The following CSMD1 variants were observed in gnomAD, a reference collection of about 807,000 sequenced individuals.
CSMD1 encodes CUB and Sushi multiple domains 1, also known as CUB and sushi domain-containing protein 1.
CSMD1 carries 213 observed loss-of-function variants against 417.5 expected under a neutral mutation model. The observed-to-expected ratio is 0.51, with a 90% CI of 0.46 to 0.57. The LOEUF (loss-of-function observed/expected upper bound fraction) is 0.57. Ranked by LOEUF, CSMD1 falls within the 20% of genes least tolerant of loss-of-function variation. CSMD1 has a pLI of 0.00. For missense variants in CSMD1, 6,923 were observed against 4,529.7 expected (o/e 1.53, Z -15.17); for synonymous variants, 2,862 against 1,736.8 (o/e 1.65, Z -16.11).
At chr8:3,579,443 T>G (rs1412682273) in intron 9 of CSMD1, among the ~76,000 whole-genome samples, 1 of 152,368 alleles carries the variant, frequency 6.6e-6, no homozygotes, top group East Asian at 1.9e-4. Flanking sequence ...AGAAACATTC[T>G]AATTGATTAA....
chr8:3,340,067 G>A (rs1167877779), intron 23 of CSMD1, among the ~76,000 whole-genome samples: 2 of 152,160 alleles, frequency 1.3e-5, no homozygotes, highest in Non-Finnish European at 2.9e-5. Flanking sequence ...CAATTCCTCT[G>A]CATGTATCAA....
chr8:4,737,944 A>G (rs1283119276), intron 1 of CSMD1, among the ~76,000 whole-genome samples: 2 of 152,316 alleles, frequency 1.3e-5, no homozygotes, highest in South Asian at 2.1e-4. Context: ...GTAAATTATG[A>G]AATGTTAATT....
intron 1 of CSMD1, among the ~76,000 whole-genome samples, chr8:4,844,942 A>C (rs1477761502): frequency 6.6e-6 from 1 of 152,212 alleles, no homozygotes; most frequent in East Asian, 1.9e-4. Context: ...AATAGACACC[A>C]GTCAATTTGG....
Position 4,006,691 on chromosome 8 carries a change from G to A in CSMD1, c.611-8581C>T, listed in dbSNP as rs151263668. Among the ~76,000 whole-genome samples the A allele has an allele frequency of 5.1e-3, 775 of 152,278 alleles. 6 individuals carry two copies. Among genetic ancestry groups the A allele is most frequent in the South Asian group, 8.5e-3 (41 of 4,824 alleles). ...TTCCTTTTAATCTGCACATGCAGATGGCAATGTCAGAATATCTGATTTCTA... is the reference window on the plus strand; with the variant it reads ...TTCCTTTTAATCTGCACATGCAGATAGCAATGTCAGAATATCTGATTTCTA... On this transcript the variant is annotated intron_variant, in intron 4 of 69. Coordinates refer to ENST00000635120, the MANE Select transcript of CSMD1 (RefSeq NM_033225.6).
intron 5 of CSMD1, among the ~76,000 whole-genome samples, chr8:3,850,458 G>T (rs1461088413): frequency 6.6e-6 from 1 of 152,170 alleles, no homozygotes; most frequent in Non-Finnish European, 1.5e-5. Context: ...ATTTTGGAAG[G>T]CTGAGGCAGG....
intron 23 of CSMD1, among the ~76,000 whole-genome samples, chr8:3,316,892 G>A (rs1201177044): frequency 6.6e-6 from 1 of 152,162 alleles, no homozygotes; most frequent in Non-Finnish European, 1.5e-5. Flanking sequence ...ATGGACATGG[G>A]TGAGAAGAAA....
chr8:3,494,584 ATAGATAG>A (rs1796285433), intron 10 of CSMD1, among the ~76,000 whole-genome samples: 1 of 151,950 alleles, frequency 6.6e-6, no homozygotes, highest in Non-Finnish European at 1.5e-5. Flanking sequence ...AGATAGATAG[ATAGATAG>A]ATAGATAGAT....
chr8:3,275,062 G>GGT (rs937109828), intron 26 of CSMD1, among the ~76,000 whole-genome samples: 8 of 152,164 alleles, frequency 5.3e-5, no homozygotes, highest in African/African-American at 1.9e-4. Flanking sequence ...TGCCGTGCCT[G>GGT]GTACCTTTTG....
chr8:3,485,462 G>C (rs1168990348), intron 11 of CSMD1, among the ~76,000 whole-genome samples: 31 of 151,570 alleles, frequency 2.0e-4, no homozygotes, highest in Admixed American at 2.0e-3. Flanking sequence ...GAAATTACCT[G>C]TCTTGACTGT....
Position 3,018,685 on chromosome 8 carries a change from A to G in CSMD1, c.7856-35T>C, listed in dbSNP as rs750560618. 3.8e-6 allele frequency: 6 copies of G among 1,582,978 alleles called. No homozygotes were observed. The Admixed American group carries it at 6.8e-5, about 18-fold the overall frequency. Reference sequence around the variant, plus strand: ...AAAACAATAAAATGAACATCAATTCAGTTATGCAGATTACTCCTGTGCTCC... The same window carrying G: ...AAAACAATAAAATGAACATCAATTCGGTTATGCAGATTACTCCTGTGCTCC... On this transcript the variant is annotated intron_variant, in intron 51 of 69. Coordinates refer to ENST00000635120, the MANE Select transcript of CSMD1 (RefSeq NM_033225.6).
At chr8:3,863,119 C>T (rs1390093443) in intron 5 of CSMD1, among the ~76,000 whole-genome samples, 2 of 152,158 alleles carry the variant, frequency 1.3e-5, no homozygotes, top group Middle Eastern at 3.4e-3. Context: ...GTGCGAAGGT[C>T]GGGCGCGGTG....
At chr8:4,177,540 C>A (rs546448407) in intron 3 of CSMD1, among the ~76,000 whole-genome samples, 1 of 152,054 alleles carries the variant, frequency 6.6e-6, no homozygotes. Context: ...CAAGAGCAAA[C>A]ACATTCAAAG....
chr8:4,839,720 T>A (rs1335416889), intron 1 of CSMD1, among the ~76,000 whole-genome samples: 2 of 152,202 alleles, frequency 1.3e-5, no homozygotes, highest in African/African-American at 4.8e-5. Flanking sequence ...ACAATTTTGG[T>A]AATAACTATA....
intron 23 of CSMD1, among the ~76,000 whole-genome samples, chr8:3,316,819 T>C (rs1805802138): frequency 6.6e-6 from 1 of 152,054 alleles, no homozygotes; most frequent in African/African-American, 2.4e-5. Flanking sequence ...CGGAGAAGAC[T>C]GCACAGGAAA....
chr8:3,166,776 A>G (rs1820247078), intron 37 of CSMD1, among the ~76,000 whole-genome samples: 1 of 152,208 alleles, frequency 6.6e-6, no homozygotes, highest in Non-Finnish European at 1.5e-5. Context: ...ATTTATTCTT[A>G]AGGCAGACTA....
At chr8:3,869,402 AT>A (rs1229958810) in intron 5 of CSMD1, among the ~76,000 whole-genome samples, 2 of 152,118 alleles carry the variant, frequency 1.3e-5, no homozygotes, top group Non-Finnish European at 2.9e-5. Context: ...AAATTGACTT[AT>A]TTTGTTTACT....
intron 1 of CSMD1, among the ~76,000 whole-genome samples, chr8:4,939,933 A>C (rs1807875544): frequency 6.6e-6 from 1 of 152,232 alleles, no homozygotes; most frequent in African/African-American, 2.4e-5. Flanking sequence ...TTGATTTGTC[A>C]ATTAAAATAT....
chr8:4,883,765 T>C (rs1325409327), intron 1 of CSMD1, among the ~76,000 whole-genome samples: 1 of 152,116 alleles, frequency 6.6e-6, no homozygotes, highest in South Asian at 2.1e-4. Flanking sequence ...TTGGTTATTA[T>C]CAACAATGCT....
At chr8:3,218,755 C>G (rs1008806847) in intron 29 of CSMD1, among the ~76,000 whole-genome samples, 2 of 151,746 alleles carry the variant, frequency 1.3e-5, no homozygotes, top group Non-Finnish European at 2.9e-5. Context: ...TCCTGTAATT[C>G]CAGCTACTCG....
Sources: allele counts gnomAD v4.1 joint callset (sites outside exome capture counted in the v4.1 genomes callset), GRCh38; gene constraint gnomAD v4.1.1; transcripts MANE v1.5; gene names NCBI Gene and HGNC (gene_info 2026-07-23, HGNC 2026-07-21).